Variants in XRCC5 observed in about 807,000 individuals in gnomAD.
The protein encoded by XRCC5 is DNA repair protein Ku80.
In XRCC5, 12 loss-of-function variants were observed where a neutral mutation model predicts 95.7. That is an observed-to-expected ratio of 0.13 (90% CI 0.08 to 0.20). XRCC5 has a LOEUF of 0.20. Among genes scored for constraint, XRCC5 ranks in the 10% least tolerant of loss-of-function variants. XRCC5 has a pLI of 1.00. For synonymous variants in XRCC5, 281 were observed against 290.3 expected, an observed-to-expected ratio of 0.97 and a Z score of 0.33; for missense variants, 595 against 873.9, an observed-to-expected ratio of 0.68 and a Z score of 4.02.
chr2:216,187,487 T>A (rs1414224835), intron 16 of XRCC5, among the ~76,000 whole-genome samples: 2 of 104,554 alleles, frequency 1.9e-5, no homozygotes, highest in Non-Finnish European at 3.9e-5. Flanking sequence ...TGTGTGTGTG[T>A]GTGTGTGTGT....
At chr2:216,147,877 T>A (rs112328156) in intron 13 of XRCC5, among the ~76,000 whole-genome samples, 2 of 152,326 alleles carry the variant, frequency 1.3e-5, no homozygotes, top group Admixed American at 6.5e-5. Flanking sequence ...TTGCTAGGCT[T>A]GGATCTATTT....
chr2:216,142,244 A>G (rs983409075), intron 13 of XRCC5, among the ~76,000 whole-genome samples: 7 of 152,088 alleles, frequency 4.6e-5, no homozygotes, highest in African/African-American at 1.7e-4. Flanking sequence ...ATAGTAGGAG[A>G]GCTTATATGA....
At chr2:216,126,233 A>G (rs1288021815) in intron 7 of XRCC5, among the ~76,000 whole-genome samples, 1 of 152,226 alleles carries the variant, frequency 6.6e-6, no homozygotes, top group Non-Finnish European at 1.5e-5. Context: ...TGTCTATAAT[A>G]GAGTTTGATT....
At chr2:216,202,287 A>G (rs143928332) in intron 19 of XRCC5, among the ~76,000 whole-genome samples, 1 of 152,348 alleles carries the variant, frequency 6.6e-6, no homozygotes, top group African/African-American at 2.4e-5. Flanking sequence ...CTGTAGCCAT[A>G]TAGTCCTGAT....
chr2:216,145,227 A>C lies in XRCC5; in HGVS notation c.1477-2856A>C, dbSNP rs147158785. Among the ~76,000 whole-genome samples the C allele has an allele frequency of 3.6e-3, 541 of 152,266 alleles. 3 individuals carry two copies. Among genetic ancestry groups the C allele is most frequent in the African/African-American group, 0.012 (514 of 41,562 alleles). ...CTATAGGAGGTTGTGGGATCCAGGA[A>C]GGCCACTTTTTTCTTTTTGAAATAC... is the stretch of plus-strand genomic sequence containing the variant. On this transcript the variant is annotated intron_variant, in intron 13 of 20. Coordinates refer to ENST00000392132, the MANE Select transcript of XRCC5 (RefSeq NM_021141.4).
chr2:216,155,310 AT>A (rs1366656962), intron 14 of XRCC5, among the ~76,000 whole-genome samples: 1 of 151,998 alleles, frequency 6.6e-6, no homozygotes, highest in Non-Finnish European at 1.5e-5. Flanking sequence ...TCAAAAAATA[AT>A]TTTTCAATTT....
intron 16 of XRCC5, among the ~76,000 whole-genome samples, chr2:216,188,276 A>G (rs2106045609): frequency 6.6e-6 from 1 of 152,334 alleles, no homozygotes; most frequent in East Asian, 1.9e-4. Flanking sequence ...ATTCAAACCA[A>G]TTAATATATT....
chr2:216,143,904 C>A (rs1440067464), intron 13 of XRCC5, among the ~76,000 whole-genome samples: 1 of 150,630 alleles, frequency 6.6e-6, no homozygotes. Context: ...TTAGTAGAGA[C>A]GGGGTTTCGC....
intron 1 of XRCC5, chr2:216,111,313 G>A: frequency 2.5e-6 from 1 of 401,700 alleles, no homozygotes; most frequent in South Asian, 1.8e-5. Flanking sequence ...CTTAAGCCAA[G>A]GAGTTTGAGA....
chr2:216,132,820 G>C (rs1406056658), intron 10 of XRCC5, among the ~76,000 whole-genome samples: 1 of 152,072 alleles, frequency 6.6e-6, no homozygotes, highest in Admixed American at 6.6e-5. Flanking sequence ...TTTTCAGGCT[G>C]GTTTTTCTCT....
chr2:216,163,114 C>A (rs185570346), intron 16 of XRCC5, among the ~76,000 whole-genome samples: 98 of 150,420 alleles, frequency 6.5e-4, no homozygotes, highest in African/African-American at 2.4e-3. Context: ...TCTCTTCCAA[C>A]ATCCTGCAGG....
chr2:216,156,680 T>C (rs891361250), intron 14 of XRCC5: 2 of 543,742 alleles, frequency 3.7e-6, no homozygotes, highest in Admixed American at 1.9e-5. Flanking sequence ...ACTGCAATTA[T>C]TCTACCACCT....
intron 16 of XRCC5, among the ~76,000 whole-genome samples, chr2:216,187,874 G>T (rs1390156745): frequency 1.7e-5 from 1 of 59,826 alleles, no homozygotes; most frequent in Admixed American, 1.9e-4. Flanking sequence ...CCGTCTCCCT[G>T]TCTCTCCCTC....
intron 6 of XRCC5, among the ~76,000 whole-genome samples, chr2:216,123,520 A>C (rs983781126): frequency 6.6e-6 from 1 of 152,162 alleles, no homozygotes; most frequent in Non-Finnish European, 1.5e-5. Flanking sequence ...ACAAAGAAAA[A>C]TTAGGCTGGA....
At chr2:216,167,966 C>T (rs1157670793) in intron 16 of XRCC5, among the ~76,000 whole-genome samples, 1 of 152,080 alleles carries the variant, frequency 6.6e-6, no homozygotes, top group African/African-American at 2.4e-5. Flanking sequence ...AAATATCTCA[C>T]TTGTTTTTCA....
intron 18 of XRCC5, among the ~76,000 whole-genome samples, chr2:216,193,796 G>A (rs1318938718): frequency 6.6e-6 from 1 of 152,158 alleles, no homozygotes. Flanking sequence ...AGATGACCAA[G>A]GCCATTCATA....
intron 16 of XRCC5, among the ~76,000 whole-genome samples, chr2:216,170,312 C>G (rs959015325): frequency 1.3e-5 from 2 of 152,054 alleles, no homozygotes; most frequent in East Asian, 1.9e-4. Flanking sequence ...AGTTGCTTCC[C>G]TTAAATGTGC....
chr2:216,194,151 A>G (rs930001522), intron 18 of XRCC5, among the ~76,000 whole-genome samples: 1 of 152,256 alleles, frequency 6.6e-6, no homozygotes, highest in Non-Finnish European at 1.5e-5. Context: ...TATGTTCTAC[A>G]GTAAGTCCTC....
At chr2:216,154,435 A>G (rs569433142) in intron 14 of XRCC5, among the ~76,000 whole-genome samples, 5 of 152,352 alleles carry the variant, frequency 3.3e-5, no homozygotes, top group African/African-American at 1.2e-4. Flanking sequence ...ATTAAAAAGA[A>G]ACGTAAGCTC....
Sources: gnomAD v4.1 joint callset for allele counts (sites outside exome capture counted in the v4.1 genomes callset) on GRCh38, gnomAD v4.1.1 for gene constraint, MANE v1.5 for transcripts, NCBI Gene and HGNC (gene_info 2026-07-23, HGNC 2026-07-21) for gene names.